HAUS6: variants seen among roughly 807,000 people sequenced by gnomAD.
HAUS6 encodes the protein HAUS augmin-like complex subunit 6.
HAUS6 carries 80 observed loss-of-function variants against 106.8 expected under a neutral mutation model. The ratio of observed to expected loss-of-function variants is 0.75; its 90% confidence interval spans 0.63 to 0.90. The LOEUF is 0.90. HAUS6 is among the 40% of genes least tolerant of loss of function. The pLI is 0.00. For missense variants in HAUS6, 1,155 were observed against 1,118.1 expected (o/e 1.03, Z -0.47); for synonymous variants, 356 against 379.1 (o/e 0.94, Z 0.71).
intron 4 of HAUS6, among the ~76,000 whole-genome samples, chr9:19,089,908 C>G (rs998838975): frequency 1.3e-5 from 2 of 152,148 alleles, no homozygotes; most frequent in Non-Finnish European, 2.9e-5. Flanking sequence ...GCATAGGTCA[C>G]TGCAGCCTCA....
Position 19,058,982 on chromosome 9 carries a change from T to C in HAUS6, c.1785A>G (p.Ser595=), listed in dbSNP as rs1203579361. 6.3e-7 allele frequency: 1 copy of C among 1,591,710 alleles called. No homozygotes were observed. Among genetic ancestry groups the C allele is most frequent in the South Asian group, 1.1e-5 (1 of 89,882 alleles). ...CTTCCATTTCAATAGCTTTTCTCCA[T>C]GAGCTCCTAATTTCAGTTACTAATT... ...PENLITEIRS[S]WRKAIEMEEN... Residue 595 remains serine (S), a synonymous_variant, in exon 16 of 17, where the codon TCA becomes TCG. Transcript: ENST00000380502.
intron 14 of HAUS6, 40 bp from the exon 15 acceptor site, chr9:19,060,263 C>T (rs777815183): frequency 8.3e-5 from 122 of 1,461,322 alleles, no homozygotes; most frequent in Non-Finnish European, 1.0e-4. Flanking sequence ...GATTACCAAG[C>T]CCATTGGTAG....
chr9:19,102,018 T>C (rs1817999340), intron 1 of HAUS6, among the ~76,000 whole-genome samples: 2 of 152,244 alleles, frequency 1.3e-5, no homozygotes, highest in African/African-American at 4.8e-5. Context: ...AAGGGGCTTT[T>C]ACTTTCCATA....
rs142505868 is a variant in HAUS6, at chr9:19,093,869, A to T, written c.303+448T>A. The stretch of plus-strand genomic sequence containing the variant: ...GGGTGACAGAAGAAGACTCTGTCTC[A>T]AAAAAAAGTAATAATAAAATAAAAT... On this transcript the variant is annotated intron_variant, in intron 3 of 16. Coordinates refer to ENST00000380502, the MANE Select transcript of HAUS6 (RefSeq NM_017645.5). 4.1e-3 allele frequency among the ~76,000 whole-genome samples: 619 copies of T among 152,126 alleles called. 2 individuals carry two copies. Among genetic ancestry groups the T allele is most frequent in the African/African-American group, 0.014 (594 of 41,524 alleles).
chr9:19,088,774 A>T (rs1035219823), intron 5 of HAUS6, among the ~76,000 whole-genome samples: 3 of 151,708 alleles, frequency 2.0e-5, no homozygotes. Context: ...GCTACTCAGG[A>T]GCCTGAGGCA....
In HAUS6 at chr9:19,053,652, G is replaced by C. The variant is rs1373817803; in HGVS notation, c.*2691C>G. ...TATCTCAGGTTTCAAGCTGATGTATGTCAGTTTATATACCTTTGTATCTTA... is the reference window on the plus strand; with the variant it reads ...TATCTCAGGTTTCAAGCTGATGTATCTCAGTTTATATACCTTTGTATCTTA... On this transcript the variant is annotated 3_prime_UTR_variant, in exon 17 of 17. Transcript: ENST00000380502. 2.6e-5 allele frequency: 4 copies of C among 152,156 alleles called. No homozygotes were observed. Among genetic ancestry groups the C allele is most frequent in the Non-Finnish European group, 5.9e-5 (4 of 68,004 alleles). The allele number at this position is 152,156 out of a possible 1,614,324, so 9.4% of individuals were successfully genotyped here.
chr9:19,091,169 G>A (rs1457526729), intron 4 of HAUS6, among the ~76,000 whole-genome samples: 2 of 151,978 alleles, frequency 1.3e-5, no homozygotes, highest in African/African-American at 4.8e-5. Flanking sequence ...GCATGGTGGC[G>A]CATGCCTGTA....
intron 1 of HAUS6, among the ~76,000 whole-genome samples, chr9:19,097,308 C>A (rs931790344): frequency 6.6e-6 from 1 of 152,134 alleles, no homozygotes; most frequent in Non-Finnish European, 1.5e-5. Flanking sequence ...TCAGAGTGAA[C>A]AGGCAACCTA....
chr9:19,069,543 C>T (rs1564010775), intron 12 of HAUS6, among the ~76,000 whole-genome samples: 1 of 151,852 alleles, frequency 6.6e-6, no homozygotes, highest in African/African-American at 2.4e-5. Flanking sequence ...ACAAAAATTA[C>T]CCAAGTGTGG....
intron 1 of HAUS6, 98 bp downstream of exon 1, chr9:19,102,426 C>G: frequency 1.5e-6 from 2 of 1,334,530 alleles, no homozygotes; most frequent in South Asian, 2.7e-5. Flanking sequence ...ACTGCTCAAC[C>G]AATTCTGATT....
At chr9:19,097,056 C>A (rs148910464) in intron 1 of HAUS6, among the ~76,000 whole-genome samples, 3 of 152,202 alleles carry the variant, frequency 2.0e-5, no homozygotes, top group Admixed American at 1.3e-4. Context: ...GAGAAACATG[C>A]CTTATAATGG....
intron 4 of HAUS6, 113 bp downstream of exon 4, chr9:19,093,058 T>C: frequency 2.6e-6 from 2 of 756,632 alleles, no homozygotes; most frequent in Non-Finnish European, 4.2e-6. Context: ...TTGGGGTACA[T>C]TAATGTTTTA....
chr9:19,090,431 C>A (rs1004021458), intron 4 of HAUS6, among the ~76,000 whole-genome samples: 2 of 152,162 alleles, frequency 1.3e-5, no homozygotes, highest in Non-Finnish European at 2.9e-5. Context: ...GTGGCGTGAT[C>A]TCGGCTCACT....
At chr9:19,074,118 G>A (rs1049029723) in intron 11 of HAUS6, among the ~76,000 whole-genome samples, 1 of 151,984 alleles carries the variant, frequency 6.6e-6, no homozygotes, top group Non-Finnish European at 1.5e-5. Flanking sequence ...ATGGCAGAGT[G>A]TGCCTGTAAT....
At chr9:19,080,314 T>C (rs928732352) in intron 9 of HAUS6, among the ~76,000 whole-genome samples, 165 bp downstream of exon 9, 1 of 152,202 alleles carries the variant, frequency 6.6e-6, no homozygotes, top group Non-Finnish European at 1.5e-5. Flanking sequence ...TTCCTTTTCC[T>C]TTCTGCTTCA....
At chr9:19,066,394 G>A (rs1203910764) in intron 12 of HAUS6, among the ~76,000 whole-genome samples, 1 of 152,076 alleles carries the variant, frequency 6.6e-6, no homozygotes, top group African/African-American at 2.4e-5. Flanking sequence ...AATAAAAATA[G>A]AAACTATAAA....
Position 19,058,115 on chromosome 9 carries a change from G to A in HAUS6, c.2652C>T (p.Thr884=), listed in dbSNP as rs150912865. The change falls in exon 16 of 17, where the codon ACC becomes ACT. Residue 884 remains threonine, a synonymous_variant. Transcript: ENST00000380502. ...TTATATGCTCAGTATGCAAATCACA[G>A]GTGTCCAAAAAGTTAAGCGTATCAT... The part of the protein sequence containing the change: ...QTDDTLNFLD[T]CDLHTEHIKP... 388 of 1,614,108 alleles carry A rather than the reference G, an allele frequency of 2.4e-4. 1 individual carries two copies. In the African/African-American group the frequency reaches 4.5e-3, roughly 19 times the overall value.
chr9:19,074,494 A>G (rs1836948826), intron 11 of HAUS6, among the ~76,000 whole-genome samples: 2 of 151,752 alleles, frequency 1.3e-5, no homozygotes, highest in African/African-American at 4.8e-5. Flanking sequence ...CTGGTCTCGA[A>G]CTCCTGGGCT....
At chr9:19,098,966 G>A (rs1335528136) in intron 1 of HAUS6, among the ~76,000 whole-genome samples, 1 of 144,100 alleles carries the variant, frequency 6.9e-6, no homozygotes, top group Non-Finnish European at 1.5e-5. Context: ...AGGTTGCGGT[G>A]AGGTCATGCC....
Sources: allele counts gnomAD v4.1 joint callset (sites outside exome capture counted in the v4.1 genomes callset), GRCh38; gene constraint gnomAD v4.1.1; transcripts MANE v1.5; gene names NCBI Gene and HGNC (gene_info 2026-07-23, HGNC 2026-07-21).